The following SVOPL variants were observed in gnomAD, a reference collection of about 807,000 sequenced individuals.
SVOPL encodes SVOP like.
Under a neutral mutation model 61.0 loss-of-function variants are expected in SVOPL, and 60 were observed. That is an observed-to-expected ratio of 0.98 (90% CI 0.80 to 1.22). The LOEUF (loss-of-function observed/expected upper bound fraction) is 1.22. SVOPL is among the 50% of genes most tolerant of loss of function. The probability of loss-of-function intolerance (pLI) is 0.00; values close to 1 mark genes in which losing one functional copy is unlikely to be tolerated. For missense variants in SVOPL, 662 were observed against 643.9 expected (o/e 1.03, Z -0.30); for synonymous variants, 279 against 250.0 (o/e 1.12, Z -1.09).
In SVOPL at chr7:138,628,258, A is replaced by C; in HGVS notation, c.969T>G (p.Thr323=). ...TCTGGCTCTCCCCTGAGTCCCCCCC[A>C]GTCACCACCACCGCAGAGTCTGACT... ...GSKSDSAVVV[T]GGDSGESQSP... is the part of the protein sequence containing the mutation. The change falls in exon 11 of 16, where the codon ACT becomes ACG. Residue 323 remains threonine, a synonymous_variant. Coordinates refer to ENST00000674285, the MANE Select transcript of SVOPL (RefSeq NM_001139456.2). 2 of 1,614,136 alleles carry C rather than the reference A, an allele frequency of 1.2e-6. No homozygotes were observed. The highest frequency in any genetic ancestry group is 1.7e-6 in the Non-Finnish European group (2 of 1,180,024).
chr7:138,670,060 C>A (rs1221809531), intron 4 of SVOPL, among the ~76,000 whole-genome samples: 3 of 152,286 alleles, frequency 2.0e-5, no homozygotes, highest in Non-Finnish European at 4.4e-5. Flanking sequence ...TATACCACAG[C>A]CCCTTTGAAA....
intron 4 of SVOPL, among the ~76,000 whole-genome samples, chr7:138,667,019 G>A (rs1476017916): frequency 1.3e-5 from 2 of 152,140 alleles, no homozygotes; most frequent in Non-Finnish European, 2.9e-5. Flanking sequence ...CATCCTGGTG[G>A]TCTTTGGGAC....
At chr7:138,612,489 C>A in intron 14 of SVOPL, among the ~76,000 whole-genome samples, 1 of 140,752 alleles carries the variant, frequency 7.1e-6, no homozygotes, top group Non-Finnish European at 1.5e-5. Context: ...ATCTTTCATC[C>A]TTATCCAAGC....
chr7:138,616,643 T>C (rs935270456), intron 14 of SVOPL, among the ~76,000 whole-genome samples: 3 of 152,156 alleles, frequency 2.0e-5, no homozygotes, highest in African/African-American at 7.2e-5. Context: ...GCCCTGAATC[T>C]TTAAATACTT....
intron 4 of SVOPL, among the ~76,000 whole-genome samples, chr7:138,668,442 A>G (rs1015343): frequency 0.5 from 76,212 of 151,886 alleles, 19,810 homozygotes; most frequent in African/African-American, 0.64. Flanking sequence ...TCCCAGTCAC[A>G]CCCTCAAGCT....
intron 14 of SVOPL, among the ~76,000 whole-genome samples, chr7:138,600,749 T>C (rs892948068): frequency 2.0e-5 from 3 of 152,108 alleles, no homozygotes; most frequent in Admixed American, 6.5e-5. Flanking sequence ...TCAACCTCAC[T>C]GATCATCAGG....
rs139094221 is a variant in SVOPL, at chr7:138,668,219, C to T, written c.273+3800G>A. 3.9e-5 allele frequency among the ~76,000 whole-genome samples: 6 copies of T among 152,228 alleles called. No homozygotes were observed. In the East Asian group the frequency reaches 7.7e-4, roughly 20 times the overall value. The stretch of plus-strand genomic sequence containing the variant: ...CTCTAACCCACCTAATCAGCACTCT[C>T]GACTCACTGACCTTCCCCCACCCAC... On this transcript the variant is annotated intron_variant, in intron 4 of 15. Transcript: ENST00000674285.
At chr7:138,677,615 C>T (rs1802598507) in intron 3 of SVOPL, among the ~76,000 whole-genome samples, 1 of 151,958 alleles carries the variant, frequency 6.6e-6, no homozygotes, top group Non-Finnish European at 1.5e-5. Context: ...TCTTCCAGGC[C>T]CTCCCAATCC....
chr7:138,678,936 G>A, intron 2 of SVOPL, 28 bp downstream of exon 2: 1 of 1,544,700 alleles, frequency 6.5e-7, no homozygotes, highest in Non-Finnish European at 8.8e-7. Flanking sequence ...GCAGCAGGTT[G>A]AGCTGGAGAC....
chr7:138,633,192 G>C (rs1472009045), intron 9 of SVOPL, among the ~76,000 whole-genome samples: 3 of 152,158 alleles, frequency 2.0e-5, no homozygotes, highest in African/African-American at 7.2e-5. Flanking sequence ...AAATAAACTA[G>C]AATAATGGAA....
intron 1 of SVOPL, among the ~76,000 whole-genome samples, chr7:138,695,625 G>C (rs296920): frequency 1.3e-5 from 2 of 151,994 alleles, no homozygotes; most frequent in South Asian, 4.2e-4. Context: ...GACCTGGGGG[G>C]GCTTCTGTAG....
intron 1 of SVOPL, among the ~76,000 whole-genome samples, chr7:138,688,009 G>T (rs1471918526): frequency 1.3e-5 from 2 of 151,958 alleles, no homozygotes; most frequent in Non-Finnish European, 2.9e-5. Flanking sequence ...CACCATGTTG[G>T]CCAGGATGGT....
chr7:138,659,103 C>A (rs2117069704), intron 6 of SVOPL, among the ~76,000 whole-genome samples: 1 of 152,304 alleles, frequency 6.6e-6, no homozygotes, highest in South Asian at 2.1e-4. Context: ...CTGGAGGCTT[C>A]ATTTGCATGA....
At chr7:138,650,042 G>C (rs962282236) in intron 7 of SVOPL, among the ~76,000 whole-genome samples, 8 of 152,100 alleles carry the variant, frequency 5.3e-5, no homozygotes, top group African/African-American at 1.7e-4. Flanking sequence ...GTGTTGGTCA[G>C]GCTGGTCTCA....
chr7:138,679,244 T>A (rs1474266145), intron 1 of SVOPL, among the ~76,000 whole-genome samples, 165 bp from the exon 2 acceptor site: 1 of 152,130 alleles, frequency 6.6e-6, no homozygotes, highest in Non-Finnish European at 1.5e-5. Flanking sequence ...ACCAAGCAGC[T>A]CAGTGTTTTT....
chr7:138,672,673 A>G (rs199820517), intron 3 of SVOPL, among the ~76,000 whole-genome samples: 28 of 150,568 alleles, frequency 1.9e-4, no homozygotes, highest in East Asian at 1.4e-3. Flanking sequence ...AAAAAAAAAA[A>G]AAGAAGCAAT....
At chr7:138,694,315 G>T (rs1803020375) in intron 1 of SVOPL, among the ~76,000 whole-genome samples, 1 of 152,162 alleles carries the variant, frequency 6.6e-6, no homozygotes, top group Non-Finnish European at 1.5e-5. Context: ...TGTGATCTCG[G>T]CTCACTGCAA....
intron 10 of SVOPL, among the ~76,000 whole-genome samples, chr7:138,629,093 AATG>A (rs1800033902): frequency 1.3e-5 from 2 of 151,154 alleles, no homozygotes; most frequent in African/African-American, 2.4e-5. Flanking sequence ...CTGTTGAAAA[AATG>A]ATATGTCTAA....
At chr7:138,609,719 T>TTTG (rs1554452869) in intron 14 of SVOPL, among the ~76,000 whole-genome samples, 1 of 55,004 alleles carries the variant, frequency 1.8e-5, no homozygotes, top group African/African-American at 5.4e-5. Context: ...GTTTTTTTTT[T>TTTG]GGGGGGGGTG....
Sources: gnomAD v4.1 joint callset for allele counts (sites outside exome capture counted in the v4.1 genomes callset) on GRCh38, gnomAD v4.1.1 for gene constraint, MANE v1.5 for transcripts, NCBI Gene and HGNC (gene_info 2026-07-23, HGNC 2026-07-21) for gene names.